KLHL4: variants seen among roughly 807,000 people sequenced by gnomAD.
The protein encoded by KLHL4 is kelch like family member 4.
In KLHL4, 17 loss-of-function variants were observed where a neutral mutation model predicts 45.8. The observed-to-expected ratio is 0.37, with a 90% CI of 0.25 to 0.56. The LOEUF (loss-of-function observed/expected upper bound fraction) is 0.56. Among genes scored for constraint, KLHL4 ranks in the 20% least tolerant of loss-of-function variants. The pLI is 0.79. For synonymous variants in KLHL4, 224 were observed against 189.9 expected, an observed-to-expected ratio of 1.18 and a Z score of -1.47; for missense variants, 544 against 544.9, an observed-to-expected ratio of 1.00 and a Z score of 0.02.
chrX:87,580,354 G>A (rs5969267), intron 1 of KLHL4, among the ~76,000 whole-genome samples: 1 of 104,344 alleles, frequency 9.6e-6, no homozygotes, highest in Non-Finnish European at 1.9e-5. Context: ...AAAATTGCAA[G>A]AGTAAGTCTT....
intron 9 of KLHL4, among the ~76,000 whole-genome samples, chrX:87,648,834 T>C (rs1345409032): frequency 9.0e-6 from 1 of 111,126 alleles, no homozygotes; most frequent in Non-Finnish European, 1.9e-5. Context: ...AGATGCAACT[T>C]ATTTTTTTAA....
At chrX:87,581,132 G>A (rs1921262711) in intron 1 of KLHL4, among the ~76,000 whole-genome samples, 1 of 112,407 alleles carries the variant, frequency 8.9e-6, no homozygotes, top group Non-Finnish European at 1.9e-5. Context: ...TGGGACTGCA[G>A]TTCACTTCTT....
At chrX:87,652,473 T>C (rs1437197409) in intron 9 of KLHL4, among the ~76,000 whole-genome samples, 1 of 112,357 alleles carries the variant, frequency 8.9e-6, no homozygotes, top group African/African-American at 3.2e-5. Flanking sequence ...TATAAATTTC[T>C]TCTACCAGAT....
chrX:87,580,473 A>G (rs1357059516), intron 1 of KLHL4, among the ~76,000 whole-genome samples: 1 of 111,166 alleles, frequency 9.0e-6, no homozygotes, highest in African/African-American at 3.3e-5. Flanking sequence ...CCTAGAAGAG[A>G]TACACTTTGG....
intron 9 of KLHL4, among the ~76,000 whole-genome samples, chrX:87,640,425 G>C (rs1349623185): frequency 9.0e-6 from 1 of 111,506 alleles, no homozygotes; most frequent in Non-Finnish European, 1.9e-5. Context: ...GATGAACATA[G>C]ATGCAAAAAT....
intron 1 of KLHL4, among the ~76,000 whole-genome samples, chrX:87,539,167 ATTTGTGTCATTTTTGTTTTAGACTG>A (rs1038861134): frequency 9.0e-6 from 1 of 110,756 alleles, no homozygotes; most frequent in African/African-American, 3.3e-5. Context: ...TGGTTAAGAC[ATTTGTGTCATTTTTGTTTTAGACTG>A]TTGCCATACT....
chrX:87,585,139 A>T (rs755219480), intron 1 of KLHL4, among the ~76,000 whole-genome samples: 1 of 111,819 alleles, frequency 8.9e-6, no homozygotes, highest in South Asian at 3.7e-4. Context: ...TATCTGGTGA[A>T]AATATTATTC....
Position 87,666,613 on chromosome X carries a change from T to C in KLHL4, c.*79T>C, listed in dbSNP as rs1417821275. On this transcript the variant is annotated 3_prime_UTR_variant, in exon 11 of 11. Coordinates refer to ENST00000373119, the MANE Select transcript of KLHL4 (RefSeq NM_019117.5). The stretch of plus-strand genomic sequence containing the variant: ...TAGGACAAAGGGAGAAAGAAATACA[T>C]GTTCTTTTTCCTGCAATTAATAATC... 3 of 1,029,946 alleles carry C rather than the reference T, an allele frequency of 2.9e-6. No individual in the cohort carries two copies. The highest frequency in any genetic ancestry group is 3.4e-5 in the East Asian group (1 of 29,185). 84.9% of individuals were successfully genotyped at this position (1,029,946 alleles called of 1,213,427 possible). A position where few individuals can be genotyped will look rare whatever the true frequency, so the allele number is the denominator to read the frequency against.
At chrX:87,523,400 A>G (rs1331693914) in intron 1 of KLHL4, among the ~76,000 whole-genome samples, 2 of 111,765 alleles carry the variant, frequency 1.8e-5, no homozygotes, top group Non-Finnish European at 3.8e-5. Context: ...GAAATCAAGG[A>G]GGAGCACTGG....
At chrX:87,622,611 G>A (rs1195257234) in intron 5 of KLHL4, among the ~76,000 whole-genome samples, 188 bp downstream of exon 5, 2 of 110,734 alleles carry the variant, frequency 1.8e-5, no homozygotes, top group African/African-American at 3.3e-5. Context: ...AAAAAAACAC[G>A]GCTAAAAAAA....
At chrX:87,540,270 AAT>A (rs1931523249) in intron 1 of KLHL4, among the ~76,000 whole-genome samples, 1 of 110,827 alleles carries the variant, frequency 9.0e-6, no homozygotes, top group African/African-American at 3.3e-5. Flanking sequence ...AGTTAATTAA[AAT>A]ATGTTTTTAA....
chrX:87,663,419 T>A (rs1924262845), intron 9 of KLHL4, among the ~76,000 whole-genome samples: 1 of 112,535 alleles, frequency 8.9e-6, no homozygotes, highest in Admixed American at 9.4e-5. Context: ...AATTAGTTTT[T>A]CTTCAAAAGA....
chrX:87,580,339 C>A (rs1352110624), intron 1 of KLHL4, among the ~76,000 whole-genome samples: 48 of 90,484 alleles, frequency 5.3e-4, no homozygotes, highest in Admixed American at 8.6e-4. Context: ...AAAAAAAAAA[C>A]CAACAAAATT....
chrX:87,639,738 A>T (rs1338452508), intron 9 of KLHL4, among the ~76,000 whole-genome samples: 1 of 111,040 alleles, frequency 9.0e-6, no homozygotes, highest in East Asian at 2.8e-4. Context: ...ATAGCATTGA[A>T]TGCCTACATC....
In KLHL4 at chrX:87,666,458, CTTA is replaced by C; in HGVS notation, c.2098-14_2098-12del. 1 of 1,167,055 alleles carries C rather than the reference CTTA, an allele frequency of 8.6e-7. No individual in the cohort carries two copies. Among genetic ancestry groups the C allele is most frequent in the Non-Finnish European group, 1.2e-6 (1 of 861,711 alleles). On this transcript the variant is annotated splice_polypyrimidine_tract_variant and intron_variant, in intron 10 of 10. Transcript: ENST00000373119. The stretch of plus-strand genomic sequence containing the variant: ...TCAGAGTTCCAACAGTGTTTTGTTT[CTTA>C]TTTTGTGTTTTAGGAAGTTCCTGTT...
chrX:87,585,361 G>A (rs1921432662), intron 1 of KLHL4, among the ~76,000 whole-genome samples: 1 of 111,614 alleles, frequency 9.0e-6, no homozygotes, highest in Non-Finnish European at 1.9e-5. Context: ...ACTAACTATG[G>A]TGTGTAAACT....
At chrX:87,666,449 G>A (rs1402588349) in intron 10 of KLHL4, 26 bp from the exon 11 acceptor site, 2 of 1,159,990 alleles carry the variant, frequency 1.7e-6, no homozygotes, top group South Asian at 1.9e-5. Flanking sequence ...TTCCAACAGT[G>A]TTTTGTTTCT....
At chrX:87,552,411 G>A (rs1001529585) in intron 1 of KLHL4, among the ~76,000 whole-genome samples, 7 of 110,836 alleles carry the variant, frequency 6.3e-5, no homozygotes, top group Non-Finnish European at 1.3e-4. Context: ...GCAGATGTTG[G>A]CATTGATGTG....
At chrX:87,655,042 A>G (rs1923941911) in intron 9 of KLHL4, among the ~76,000 whole-genome samples, 2 of 111,841 alleles carry the variant, frequency 1.8e-5, no homozygotes, top group African/African-American at 6.5e-5. Context: ...TCTAAATTTC[A>G]GATATTAGCC....
Sources: allele counts gnomAD v4.1 joint callset (sites outside exome capture counted in the v4.1 genomes callset), GRCh38; gene constraint gnomAD v4.1.1; transcripts MANE v1.5; gene names NCBI Gene and HGNC (gene_info 2026-07-23, HGNC 2026-07-21).